Variants in MBD5 observed in about 807,000 individuals in gnomAD.
MBD5 encodes methyl-CpG-binding domain protein 5.
In MBD5, 13 loss-of-function variants were observed where a neutral mutation model predicts 117.3. The ratio of observed to expected loss-of-function variants is 0.11; its 90% confidence interval spans 0.07 to 0.18. MBD5 has a LOEUF of 0.18. Ranked by LOEUF, MBD5 falls within the 10% of genes least tolerant of loss-of-function variation. The pLI, the probability that MBD5 is intolerant of heterozygous loss-of-function variation, is 1.00. For missense variants in MBD5, 1,879 were observed against 2,093.8 expected (o/e 0.90, Z 2.00); for synonymous variants, 727 against 766.4 (o/e 0.95, Z 0.85).
At chr2:148,113,058 A>C (rs1696540517) in intron 1 of MBD5, among the ~76,000 whole-genome samples, 2 of 152,228 alleles carry the variant, frequency 1.3e-5, no homozygotes, top group South Asian at 4.1e-4. Context: ...AGCAATCACC[A>C]GTATTACTTC....
chr2:148,403,972 A>G (rs1705001808), intron 4 of MBD5, among the ~76,000 whole-genome samples: 1 of 152,196 alleles, frequency 6.6e-6, no homozygotes, highest in African/African-American at 2.4e-5. Context: ...TATAAATGAA[A>G]TTATAGAGTA....
intron 4 of MBD5, among the ~76,000 whole-genome samples, chr2:148,436,551 T>C (rs570744805): frequency 8.5e-5 from 13 of 152,144 alleles, no homozygotes; most frequent in Non-Finnish European, 1.8e-4. Context: ...TTTGTATTTT[T>C]AGTAGAGACG....
intron 2 of MBD5, among the ~76,000 whole-genome samples, chr2:148,224,491 C>T (rs1053473104): frequency 6.2e-5 from 9 of 146,242 alleles, no homozygotes; most frequent in Non-Finnish European, 1.0e-4. Flanking sequence ...TACGGGTGCA[C>T]GTTGCCACGC....
At chr2:148,425,957 A>C (rs1279550219) in intron 4 of MBD5, among the ~76,000 whole-genome samples, 2 of 152,180 alleles carry the variant, frequency 1.3e-5, no homozygotes, top group Non-Finnish European at 2.9e-5. Flanking sequence ...GCAAAGTCTC[A>C]GGATACAAAA....
At position 148,385,705 on chromosome 2, in the gene MBD5, C is replaced by A. The variant is rs1421057534; in HGVS notation, c.-557+43369C>A. Reference sequence around the variant, plus strand: ...ATTCACAATAGCAAAGACTTGGAACCAACCCAAATGTCCAACAATGATAGA... The same window carrying A: ...ATTCACAATAGCAAAGACTTGGAACAAACCCAAATGTCCAACAATGATAGA... On this transcript the variant is annotated intron_variant, in intron 4 of 13. Transcript: ENST00000642680. Among the ~76,000 whole-genome samples the A allele has an allele frequency of 8.6e-5, 13 of 151,384 alleles. No individual in the cohort carries two copies. In the South Asian group the frequency reaches 1.0e-3, roughly 12 times the overall value.
chr2:148,369,695 G>GT (rs1402537474), intron 4 of MBD5, among the ~76,000 whole-genome samples: 1 of 151,944 alleles, frequency 6.6e-6, no homozygotes, highest in Non-Finnish European at 1.5e-5. Flanking sequence ...TGTTGTGATT[G>GT]TTTTTATTTC....
At chr2:148,403,236 G>T (rs1704975980) in intron 4 of MBD5, among the ~76,000 whole-genome samples, 1 of 151,016 alleles carries the variant, frequency 6.6e-6, no homozygotes, top group Non-Finnish European at 1.5e-5. Flanking sequence ...CTGGAGTGCA[G>T]TGGCACAATC....
At chr2:148,264,335 G>A (rs1337147088) in intron 3 of MBD5, 1 of 152,736 alleles carries the variant, frequency 6.5e-6, no homozygotes, top group Non-Finnish European at 1.5e-5. Flanking sequence ...AGAGGAAGAG[G>A]AAATAATAAT....
intron 1 of MBD5, among the ~76,000 whole-genome samples, chr2:148,156,576 A>T: frequency 6.6e-6 from 1 of 152,242 alleles, no homozygotes. Context: ...CAGTTATCAT[A>T]ATCTACAAAA....
chr2:148,470,782 T>C, intron 8 of MBD5: 1 of 360,986 alleles, frequency 2.8e-6, no homozygotes, highest in South Asian at 6.5e-5. Flanking sequence ...GGTTTCCTGG[T>C]TTGTGAGACA....
chr2:148,202,526 T>C (rs1699170694), intron 2 of MBD5, among the ~76,000 whole-genome samples: 1 of 152,014 alleles, frequency 6.6e-6, no homozygotes, highest in Non-Finnish European at 1.5e-5. Flanking sequence ...GAAATGAGGT[T>C]GAAGGGATTA....
intron 1 of MBD5, among the ~76,000 whole-genome samples, chr2:148,154,674 G>A (rs77386176): frequency 0.012 from 1,898 of 152,216 alleles, 17 homozygotes; most frequent in African/African-American, 0.033. Flanking sequence ...CGCAGTAATC[G>A]GGTGGGAGTG....
Position 148,421,100 on chromosome 2 carries a change from G to T in MBD5, c.-556-37103G>T, listed in dbSNP as rs1173658023. On this transcript the variant is annotated intron_variant, in intron 4 of 13. Coordinates refer to ENST00000642680, the MANE Select transcript of MBD5 (RefSeq NM_001378120.1). Reference sequence around the variant, plus strand: ...AATTTGTGATCACTATCCTCAAATTGCCGTTTAATACTGCCTGTGAGAGGT... The same window carrying T: ...AATTTGTGATCACTATCCTCAAATTTCCGTTTAATACTGCCTGTGAGAGGT... 6.6e-5 allele frequency among the ~76,000 whole-genome samples: 10 copies of T among 152,282 alleles called. No homozygotes were observed. In the East Asian group the frequency reaches 1.7e-3, roughly 26 times the overall value.
chr2:148,055,151 TTTGTG>T (rs1224972494), intron 1 of MBD5: 1 of 152,192 alleles, frequency 6.6e-6, no homozygotes, highest in Non-Finnish European at 1.5e-5. Context: ...AAATTTGTGA[TTTGTG>T]TTGTCTTTGA....
At chr2:148,157,358 A>G (rs1697900102) in intron 1 of MBD5, among the ~76,000 whole-genome samples, 1 of 151,702 alleles carries the variant, frequency 6.6e-6, no homozygotes, top group African/African-American at 2.4e-5. Flanking sequence ...TACTATAATA[A>G]TGCTTTAAAT....
At chr2:148,162,039 C>G (rs1366845222) in intron 1 of MBD5, among the ~76,000 whole-genome samples, 1 of 152,176 alleles carries the variant, frequency 6.6e-6, no homozygotes, top group East Asian at 1.9e-4. Flanking sequence ...ACCTGCCTTC[C>G]AAAGGCCAGC....
intron 2 of MBD5, chr2:148,196,100 T>C (rs6430301): frequency 0.83 from 126,086 of 152,092 alleles, 52,846 homozygotes; most frequent in East Asian, 0.9. Context: ...TGGTATCACT[T>C]ATCCTCTTAC....
rs1700847590 is a variant in MBD5, at chr2:148,265,930, A to AG, written c.-680+32536dup. ...GGGACAAAGAACAAGTTCAGGAAAGAGAAAAAAATGCTTAAATAAATTTGA... is the reference window on the plus strand; with the variant it reads ...GGGACAAAGAACAAGTTCAGGAAAGAGGAAAAAAATGCTTAAATAAATTTGA... On this transcript the variant is annotated intron_variant, in intron 3 of 13. Coordinates refer to ENST00000642680, the MANE Select transcript of MBD5 (RefSeq NM_001378120.1). Among the ~76,000 whole-genome samples, 4 of 93,618 alleles carry AG rather than the reference A, an allele frequency of 4.3e-5. No homozygotes were observed. In the South Asian group the frequency reaches 1.3e-3, roughly 31 times the overall value. 61.4% of individuals were successfully genotyped at this position (93,618 alleles called of 152,430 possible). A position where few individuals can be genotyped will look rare whatever the true frequency, so the allele number is the denominator to read the frequency against.
intron 1 of MBD5, among the ~76,000 whole-genome samples, chr2:148,139,625 A>G (rs971160126): frequency 6.6e-6 from 1 of 152,216 alleles, no homozygotes. Flanking sequence ...AAAATAGTCC[A>G]TAGATACGAT....
Sources: allele counts gnomAD v4.1 joint callset (sites outside exome capture counted in the v4.1 genomes callset), GRCh38; gene constraint gnomAD v4.1.1; transcripts MANE v1.5; gene names NCBI Gene and HGNC (gene_info 2026-07-23, HGNC 2026-07-21).